Variants in ITGB5 observed in about 807,000 individuals in gnomAD.
The protein encoded by ITGB5 is integrin beta-5.
In ITGB5, 38 loss-of-function variants were observed where a neutral mutation model predicts 84.8. The observed-to-expected ratio is 0.45, with a 90% CI of 0.35 to 0.59. ITGB5 has a LOEUF of 0.59. Among genes scored for constraint, ITGB5 ranks in the 20% least tolerant of loss-of-function variants. The probability of loss-of-function intolerance (pLI) is 0.01; values close to 1 mark genes in which losing one functional copy is unlikely to be tolerated. For missense variants in ITGB5, 905 were observed against 1,034.5 expected, an observed-to-expected ratio of 0.87 and a Z score of 1.72; for synonymous variants, 393 against 414.4, an observed-to-expected ratio of 0.95 and a Z score of 0.63.
At chr3:124,802,038 C>T (rs2064323985) in intron 9 of ITGB5, among the ~76,000 whole-genome samples, 1 of 152,250 alleles carries the variant, frequency 6.6e-6, no homozygotes, top group South Asian at 2.1e-4. Context: ...TCAGCTCCAA[C>T]AGCTCCCTCT....
Position 124,796,798 on chromosome 3 carries a change from A to G in ITGB5, c.1283T>C (p.Leu428Ser), listed in dbSNP as rs981443715. ...TCTGCTGGGACAGCTTCGGGCCTCC[A>G]ATGATACTTCAAAAGATGCCTGGGC... ...IGDTASFEVS[L>S]EARSCPSRHT... The change falls in exon 10 of 15, where the codon TTG becomes TCG. Residue 428 changes from leucine (L) to serine (S), a missense_variant. Physicochemically the swap from Leu to Ser is moderately radical, Grantham distance 145 (BLOSUM62 -2). Transcript: ENST00000296181. 6.2e-7 allele frequency: 1 copy of G among 1,605,492 alleles called. No individual in the cohort carries two copies.
chr3:124,841,584 A>G (rs953105294), intron 4 of ITGB5, 33 bp from the exon 5 acceptor site: 33 of 1,604,226 alleles, frequency 2.1e-5, no homozygotes, highest in Non-Finnish European at 2.6e-5. Context: ...TCACTTTTCC[A>G]TCATTGTCTG....
At chr3:124,900,481 G>A (rs1935194233) in intron 1 of ITGB5, among the ~76,000 whole-genome samples, 1 of 152,222 alleles carries the variant, frequency 6.6e-6, no homozygotes, top group South Asian at 2.1e-4. Context: ...TGGCCCACAT[G>A]TCGTGATTGT....
At chr3:124,804,259 C>A (rs2064360004) in intron 9 of ITGB5, among the ~76,000 whole-genome samples, 1 of 152,188 alleles carries the variant, frequency 6.6e-6, no homozygotes, top group African/African-American at 2.4e-5. Flanking sequence ...CACAGTGGCT[C>A]ATGCCTGTAG....
chr3:124,771,832 A>G (rs2063849417), intron 11 of ITGB5, among the ~76,000 whole-genome samples: 1 of 151,790 alleles, frequency 6.6e-6, no homozygotes, highest in South Asian at 2.1e-4. Context: ...TGTGTAATGA[A>G]TAATAAATTA....
chr3:124,875,303 C>T (rs1559982632), intron 1 of ITGB5, among the ~76,000 whole-genome samples: 1 of 151,890 alleles, frequency 6.6e-6, no homozygotes, highest in South Asian at 2.1e-4. Flanking sequence ...CATGGTGAAA[C>T]CCCATCTCTA....
intron 5 of ITGB5, among the ~76,000 whole-genome samples, chr3:124,825,652 C>T (rs1219924660): frequency 6.6e-6 from 1 of 152,140 alleles, no homozygotes; most frequent in Non-Finnish European, 1.5e-5. Context: ...GTACAGAAAA[C>T]AGATCAGTAG....
chr3:124,815,353 G>A (rs2064572118), intron 8 of ITGB5, among the ~76,000 whole-genome samples: 1 of 152,226 alleles, frequency 6.6e-6, no homozygotes, highest in African/African-American at 2.4e-5. Flanking sequence ...TGCTCTTGGG[G>A]AGCTCCAGAG....
rs188868278 is a variant in ITGB5, at chr3:124,880,625, T to A, written c.70+6306A>T. On this transcript the variant is annotated intron_variant, in intron 1 of 14. Transcript: ENST00000296181. Reference sequence around the variant, plus strand: ...CGAGATTCTGTCTTTTTTTAAAAAATAAATAAATAAATAAAAGAGACACCG... The same window carrying A: ...CGAGATTCTGTCTTTTTTTAAAAAAAAAATAAATAAATAAAAGAGACACCG... Among the ~76,000 whole-genome samples the A allele has an allele frequency of 9.2e-3, 1,403 of 151,980 alleles. 30 individuals carry two copies. The highest frequency in any genetic ancestry group is 0.031 in the African/African-American group (1,303 of 41,420).
intron 3 of ITGB5, among the ~76,000 whole-genome samples, chr3:124,852,323 C>T (rs973749762): frequency 3.9e-5 from 6 of 152,030 alleles, no homozygotes; most frequent in African/African-American, 1.4e-4. Context: ...GGCTGTTCCA[C>T]GTAATTCCTG....
chr3:124,861,347 A>G (rs1236640344), intron 2 of ITGB5, among the ~76,000 whole-genome samples: 5 of 151,850 alleles, frequency 3.3e-5, no homozygotes, highest in African/African-American at 1.2e-4. Flanking sequence ...ATGGTGGCTC[A>G]TGCCAGCATT....
chr3:124,806,424 ATTTTTTTTTTTTT>A (rs71145488), intron 9 of ITGB5, among the ~76,000 whole-genome samples: 1 of 72,774 alleles, frequency 1.4e-5, no homozygotes, highest in African/African-American at 5.3e-5. Flanking sequence ...GCCTCATTCC[ATTTTTTTTTTTTT>A]TTTTTTTTTT....
rs1220579224 is a variant in ITGB5, at chr3:124,804,359, T to TA, written c.1263+4662dup. Among the ~76,000 whole-genome samples the TA allele has an allele frequency of 3.3e-5, 5 of 151,984 alleles. No individual in the cohort carries two copies. The East Asian group carries it at 7.7e-4, about 24-fold the overall frequency. On this transcript the variant is annotated intron_variant, in intron 9 of 14. Coordinates refer to ENST00000296181, the MANE Select transcript of ITGB5 (RefSeq NM_002213.5). ...GGCAACATAGCAAGACTCTGTTTCT[T>TA]AAAAAACAAAACAAAACAAAAAAAA...
intron 3 of ITGB5, among the ~76,000 whole-genome samples, chr3:124,852,930 C>G (rs908725877): frequency 2.6e-5 from 4 of 152,126 alleles, no homozygotes; most frequent in East Asian, 1.9e-4. Flanking sequence ...TCAAGTGATC[C>G]TCCCCTTCAG....
At chr3:124,855,141 C>T (rs193284225) in intron 3 of ITGB5, among the ~76,000 whole-genome samples, 23 of 152,130 alleles carry the variant, frequency 1.5e-4, no homozygotes, top group Non-Finnish European at 2.6e-4. Context: ...GGTGAAACCC[C>T]GTCTCTACTA....
intron 1 of ITGB5, among the ~76,000 whole-genome samples, chr3:124,893,720 T>C (rs1935045188): frequency 6.6e-6 from 1 of 152,178 alleles, no homozygotes; most frequent in Non-Finnish European, 1.5e-5. Context: ...ATCTCAGTAA[T>C]TTTTGTTTGA....
At chr3:124,886,779 G>C (rs1311316889) in intron 1 of ITGB5, 152 bp downstream of exon 1, 1 of 333,168 alleles carries the variant, frequency 3.0e-6, no homozygotes, top group African/African-American at 2.2e-5. Flanking sequence ...GCGCCCCGCG[G>C]GGCTGTCCCC....
At chr3:124,849,221 C>T (rs184872476) in intron 3 of ITGB5, among the ~76,000 whole-genome samples, 5 of 152,182 alleles carry the variant, frequency 3.3e-5, no homozygotes, top group Middle Eastern at 3.4e-3. Context: ...GAGAGTAGCC[C>T]ACCAACCACA....
intron 9 of ITGB5, among the ~76,000 whole-genome samples, chr3:124,806,902 T>C (rs541476072): frequency 1.8e-4 from 28 of 152,154 alleles, no homozygotes; most frequent in Non-Finnish European, 2.5e-4. Context: ...TAAAATGTTA[T>C]TGGAAGTACC....
Sources: allele counts gnomAD v4.1 joint callset (sites outside exome capture counted in the v4.1 genomes callset), GRCh38; gene constraint gnomAD v4.1.1; transcripts MANE v1.5; gene names NCBI Gene and HGNC (gene_info 2026-07-23, HGNC 2026-07-21).